The following CADM2 variants were observed in gnomAD, a reference collection of about 807,000 sequenced individuals.
CADM2 encodes immunoglobulin superfamily member 4D.
A neutral mutation model predicts 49.8 loss-of-function variants in CADM2; 12 were observed. The ratio of observed to expected loss-of-function variants is 0.24; its 90% CI spans 0.15 to 0.39. CADM2 has a LOEUF of 0.39. CADM2 is among the 10% of genes least tolerant of loss of function. The probability of loss-of-function intolerance (pLI) is 1.00; values close to 1 mark genes in which losing one functional copy is unlikely to be tolerated. For missense variants in CADM2, 378 were observed against 492.3 expected (o/e 0.77, Z 2.20); for synonymous variants, 214 against 175.4 (o/e 1.22, Z -1.74).
At chr3:85,064,003 C>T (rs2036429896) in intron 1 of CADM2, among the ~76,000 whole-genome samples, 1 of 152,084 alleles carries the variant, frequency 6.6e-6, no homozygotes, top group Non-Finnish European at 1.5e-5. Context: ...TTTTCTACAT[C>T]TCATGCTGTG....
At chr3:86,034,853 A>T (rs1734969710) in intron 8 of CADM2, among the ~76,000 whole-genome samples, 1 of 151,958 alleles carries the variant, frequency 6.6e-6, no homozygotes, top group Admixed American at 6.6e-5. Flanking sequence ...TATTAATCAG[A>T]TACTAAATTT....
chr3:86,036,183 A>G (rs919757174), intron 8 of CADM2, among the ~76,000 whole-genome samples: 1 of 152,118 alleles, frequency 6.6e-6, no homozygotes, highest in African/African-American at 2.4e-5. Context: ...ACCTTAATAT[A>G]TTAAGTCTAT....
chr3:85,497,869 A>T (rs1306506071), intron 1 of CADM2, among the ~76,000 whole-genome samples: 1 of 151,810 alleles, frequency 6.6e-6, no homozygotes, highest in Non-Finnish European at 1.5e-5. Context: ...TATATCTATT[A>T]TGTATCTATA....
chr3:85,917,216 G>C (rs1718467686), intron 6 of CADM2, among the ~76,000 whole-genome samples: 1 of 152,010 alleles, frequency 6.6e-6, no homozygotes, highest in Admixed American at 6.6e-5. Flanking sequence ...CATTGCTTTT[G>C]GTGTTTTAGT....
chr3:85,654,869 T>G (rs2065149898), intron 1 of CADM2, among the ~76,000 whole-genome samples: 1 of 152,190 alleles, frequency 6.6e-6, no homozygotes. Context: ...ACTTTAAACT[T>G]AATTGTTAAT....
chr3:86,015,992 G>T (rs774281804), intron 8 of CADM2, among the ~76,000 whole-genome samples: 34 of 151,966 alleles, frequency 2.2e-4, no homozygotes, highest in Non-Finnish European at 4.4e-4. Context: ...AATCCATTTT[G>T]TATAGTTTAT....
chr3:85,948,607 T>C (rs1162727005), intron 7 of CADM2, among the ~76,000 whole-genome samples: 1 of 150,882 alleles, frequency 6.6e-6, no homozygotes, highest in Non-Finnish European at 1.5e-5. Flanking sequence ...AGAAATTTTC[T>C]TGCATTACAC....
At chr3:85,333,325 G>T (rs2044988202) in intron 1 of CADM2, among the ~76,000 whole-genome samples, 1 of 151,264 alleles carries the variant, frequency 6.6e-6, no homozygotes, top group East Asian at 1.9e-4. Flanking sequence ...AAATAATGAG[G>T]GTGATAGAAT....
At chr3:85,436,521 C>G (rs2036939416) in intron 1 of CADM2, among the ~76,000 whole-genome samples, 1 of 151,990 alleles carries the variant, frequency 6.6e-6, no homozygotes, top group African/African-American at 2.4e-5. Flanking sequence ...CAGTTTTTGC[C>G]CATTCAGCAT....
chr3:85,610,381 G>T (rs1282447886), intron 1 of CADM2, among the ~76,000 whole-genome samples: 2 of 151,676 alleles, frequency 1.3e-5, no homozygotes, highest in African/African-American at 4.8e-5. Context: ...ACAATTAATG[G>T]TGTCAAAAAT....
intron 1 of CADM2, among the ~76,000 whole-genome samples, chr3:85,515,472 G>A (rs1313207000): frequency 6.8e-6 from 1 of 147,548 alleles, no homozygotes; most frequent in African/African-American, 2.5e-5. Flanking sequence ...TGCCCAGGCT[G>A]GATTGCAGTG....
chr3:85,794,211 T>G (rs1424105676), intron 2 of CADM2, among the ~76,000 whole-genome samples: 1 of 152,194 alleles, frequency 6.6e-6, no homozygotes, highest in Non-Finnish European at 1.5e-5. Flanking sequence ...ATTTTCTCAG[T>G]GAAGAATTAG....
intron 1 of CADM2, among the ~76,000 whole-genome samples, chr3:85,584,927 C>A (rs1256522422): frequency 6.6e-6 from 1 of 151,956 alleles, no homozygotes; most frequent in East Asian, 1.9e-4. Context: ...AGAGAATAAA[C>A]CTGAAGAGAG....
intron 7 of CADM2, among the ~76,000 whole-genome samples, chr3:85,943,024 A>T (rs952246525): frequency 6.6e-6 from 1 of 152,036 alleles, no homozygotes; most frequent in African/African-American, 2.4e-5. Context: ...AATGATTCCC[A>T]TTCTAACTGG....
chr3:85,405,880 A>T (rs1184528748), intron 1 of CADM2, among the ~76,000 whole-genome samples: 1 of 151,748 alleles, frequency 6.6e-6, no homozygotes, highest in Non-Finnish European at 1.5e-5. Context: ...AATATATTCT[A>T]ACACCAGCCT....
intron 1 of CADM2, among the ~76,000 whole-genome samples, chr3:85,541,145 A>G (rs937611067): frequency 5.3e-5 from 8 of 150,866 alleles, no homozygotes; most frequent in Non-Finnish European, 1.2e-4. Context: ...AATTTGACAC[A>G]TATATACATT....
At chr3:85,811,272 A>G (rs1000536231) in intron 3 of CADM2, among the ~76,000 whole-genome samples, 6 of 152,198 alleles carry the variant, frequency 3.9e-5, no homozygotes, top group Non-Finnish European at 8.8e-5. Context: ...GGTAAAAATG[A>G]CCAAATTCTT....
intron 2 of CADM2, among the ~76,000 whole-genome samples, chr3:85,784,529 TTTATCTATC>T (rs879398092): frequency 0.01 from 1,387 of 136,624 alleles, 18 homozygotes; most frequent in African/African-American, 0.028. Flanking sequence ...TCTAAATATA[TTTATCTATC>T]TATCTATCTA....
intron 8 of CADM2, chr3:86,014,504 CCA>C: frequency 3.2e-6 from 5 of 1,547,522 alleles, no homozygotes; most frequent in Non-Finnish European, 4.4e-6. Flanking sequence ...CTGGAAAATA[CCA>C]CAGTGTTCAC....
Sources: gnomAD v4.1 joint callset for allele counts (sites outside exome capture counted in the v4.1 genomes callset) on GRCh38, gnomAD v4.1.1 for gene constraint, MANE v1.5 for transcripts, NCBI Gene and HGNC (gene_info 2026-07-23, HGNC 2026-07-21) for gene names.